The following XKRX variants were observed in gnomAD, a reference collection of about 807,000 sequenced individuals.
XKRX encodes the protein XK-related protein 2.
XKRX carries 11 observed loss-of-function variants against 22.4 expected under a neutral mutation model. The ratio of observed to expected loss-of-function variants is 0.49; its 90% CI spans 0.31 to 0.81. The LOEUF (loss-of-function observed/expected upper bound fraction) is 0.81, where lower values mean the gene tolerates loss of function less well. XKRX is among the 40% of genes least tolerant of loss of function. The probability of loss-of-function intolerance (pLI) is 0.05; values close to 1 mark genes in which losing one functional copy is unlikely to be tolerated. For missense variants in XKRX, 320 were observed against 336.5 expected (o/e 0.95, Z 0.38); for synonymous variants, 114 against 132.2 (o/e 0.86, Z 0.94).
chrX:100,899,078 C>CA, the XKRX span, among the ~76,000 whole-genome samples: 1 of 111,498 alleles, frequency 9.0e-6, no homozygotes, highest in African/African-American at 3.3e-5. Flanking sequence ...CAGTCTTCTA[C>CA]AAAAAAATAA....
chrX:100,941,732 A>G, the XKRX span, among the ~76,000 whole-genome samples: 2 of 111,506 alleles, frequency 1.8e-5, no homozygotes, highest in Non-Finnish European at 3.8e-5. Flanking sequence ...CTTCTTACAT[A>G]TTCTCCCTAT....
the XKRX span, among the ~76,000 whole-genome samples, chrX:100,905,076 T>A: frequency 8.9e-6 from 1 of 111,941 alleles, no homozygotes; most frequent in Non-Finnish European, 1.9e-5. Flanking sequence ...GGTCCCAACA[T>A]CTATGGGAGG....
In XKRX at chrX:100,928,386, C is replaced by T. The variant is rs1385865344; in HGVS notation, c.-82G>A. ...CCCCAAGAGAACCCTATGGCCGCTA[C>T]AGTCCAAGTATAGGTGAGGAGAGCT... On this transcript the variant is annotated 5_prime_UTR_variant, in exon 1 of 3. Transcript: ENST00000372956. 1.8e-6 allele frequency: 2 copies of T among 1,139,823 alleles called. No homozygotes were observed. Among genetic ancestry groups the T allele is most frequent in the African/African-American group, 1.8e-5 (1 of 54,358 alleles). The allele number at this position is 1,139,823 out of a possible 1,213,427, so 93.9% of individuals were successfully genotyped here.
the XKRX span, among the ~76,000 whole-genome samples, chrX:100,898,727 G>A: frequency 2.7e-5 from 3 of 111,067 alleles, no homozygotes; most frequent in African/African-American, 9.8e-5. Context: ...CATGAAGTCT[G>A]AGGCATAGTT....
At chrX:100,947,995 T>C in the XKRX span, among the ~76,000 whole-genome samples, 7 of 108,526 alleles carry the variant, frequency 6.5e-5, no homozygotes, top group African/African-American at 2.4e-4. Context: ...CTCCTCCTCC[T>C]GGGCTCAATC....
chrX:100,910,326 C>T (rs1342705822), downstream of XKRX, among the ~76,000 whole-genome samples: 1 of 111,088 alleles, frequency 9.0e-6, no homozygotes, highest in Non-Finnish European at 1.9e-5. Context: ...TGGCTCATGC[C>T]TGTAATCTCA....
chrX:100,903,106 G>A, the XKRX span, among the ~76,000 whole-genome samples: 1 of 109,387 alleles, frequency 9.1e-6, no homozygotes, highest in Non-Finnish European at 1.9e-5. Flanking sequence ...ATACTTCATG[G>A]TGAGAAACTT....
chrX:100,920,528 T>A (rs1334742414), intron 2 of XKRX, among the ~76,000 whole-genome samples: 1 of 111,185 alleles, frequency 9.0e-6, no homozygotes, highest in African/African-American at 3.3e-5. Context: ...GTATGGTTTT[T>A]AATTTTTACT....
chrX:100,937,211 G>A, the XKRX span, among the ~76,000 whole-genome samples: 2 of 110,370 alleles, frequency 1.8e-5, no homozygotes, highest in African/African-American at 3.3e-5. Context: ...GGCTGGTCTC[G>A]AACTCCTGAA....
downstream of XKRX, among the ~76,000 whole-genome samples, chrX:100,912,600 G>T (rs758608499): frequency 6.3e-5 from 7 of 111,954 alleles, no homozygotes; most frequent in African/African-American, 2.3e-4. Context: ...GAAGCCCTAG[G>T]TCAGATTGTT....
At chrX:100,949,091 C>G in the XKRX span, among the ~76,000 whole-genome samples, 172 of 112,557 alleles carry the variant, frequency 1.5e-3, no homozygotes, top group Middle Eastern at 4.6e-3. Context: ...CAAGGCCCGA[C>G]AGGGAGCAGA....
intron 1 of XKRX, among the ~76,000 whole-genome samples, chrX:100,926,534 G>A (rs1274818081): frequency 8.9e-6 from 1 of 112,109 alleles, no homozygotes; most frequent in African/African-American, 3.2e-5. Context: ...AGACTTTTTA[G>A]TTGTCTAATG....
At chrX:100,925,394 G>T (rs1367794437) in intron 1 of XKRX, among the ~76,000 whole-genome samples, 6 of 111,970 alleles carry the variant, frequency 5.4e-5, no homozygotes, top group Non-Finnish European at 1.1e-4. Flanking sequence ...ACAAGTAATT[G>T]GCCTTGAAAA....
chrX:100,926,670 T>A (rs1472901181), intron 1 of XKRX, among the ~76,000 whole-genome samples: 1 of 111,536 alleles, frequency 9.0e-6, no homozygotes, highest in East Asian at 2.8e-4. Flanking sequence ...TTTTGCAACA[T>A]CTCTCTACCT....
upstream of XKRX, among the ~76,000 whole-genome samples, chrX:100,930,997 T>C (rs554733537): frequency 4.5e-4 from 49 of 109,754 alleles, no homozygotes; most frequent in South Asian, 8.9e-3. Context: ...CTGGGCGTGG[T>C]GGTGGGCACC....
At chrX:100,888,412 A>G in the XKRX span, 10 of 946,448 alleles carry the variant, frequency 1.1e-5, no homozygotes, top group South Asian at 5.9e-5. Flanking sequence ...TGGCGTATGT[A>G]ACAAACCCAA....
At chrX:100,948,815 C>G in the XKRX span, among the ~76,000 whole-genome samples, 1 of 112,369 alleles carries the variant, frequency 8.9e-6, no homozygotes, top group South Asian at 3.7e-4. Context: ...GAACTTCCAC[C>G]CTATCTCCCC....
chrX:100,925,852 G>A (rs1226580179), intron 1 of XKRX, among the ~76,000 whole-genome samples: 1 of 111,848 alleles, frequency 8.9e-6, no homozygotes, highest in African/African-American at 3.2e-5. Flanking sequence ...ATATGGTTTG[G>A]TCCATCCTGT....
At position 100,917,083 on chromosome X, in the gene XKRX, C is replaced by T. The variant is rs753588785; in HGVS notation, c.605-2000G>A. 7.2e-5 allele frequency among the ~76,000 whole-genome samples: 8 copies of T among 110,969 alleles called. No homozygotes were observed. The South Asian group carries it at 1.5e-3, about 21-fold the overall frequency. ...ATAGTGGGCCGTGATTGCACCACTG[C>T]GATCCAGCCTGGGCAACAGAGTGAG... On this transcript the variant is annotated intron_variant, in intron 2 of 2. Coordinates refer to ENST00000372956, the MANE Select transcript of XKRX (RefSeq NM_212559.3).
Sources: gnomAD v4.1 joint callset for allele counts (sites outside exome capture counted in the v4.1 genomes callset) on GRCh38, gnomAD v4.1.1 for gene constraint, MANE v1.5 for transcripts, NCBI Gene and HGNC (gene_info 2026-07-23, HGNC 2026-07-21) for gene names.